Variants in SLC24A3 observed in about 807,000 individuals in gnomAD.
SLC24A3 encodes the protein solute carrier family 24 member 3.
A neutral mutation model predicts 75.8 loss-of-function variants in SLC24A3; 28 were observed. The ratio of observed to expected loss-of-function variants is 0.37; its 90% CI spans 0.27 to 0.51. SLC24A3 has a LOEUF of 0.51. Among genes scored for constraint, SLC24A3 ranks in the 20% least tolerant of loss-of-function variants. The pLI is 0.94. For synonymous variants in SLC24A3, 372 were observed against 334.1 expected (o/e 1.11, Z -1.24); for missense variants, 663 against 847.8 (o/e 0.78, Z 2.71).
intron 2 of SLC24A3, among the ~76,000 whole-genome samples, chr20:19,478,137 TCAGGAGCCAGGAGATGACCTTGTGTCC>T (rs1248479304): frequency 6.6e-6 from 1 of 152,204 alleles, no homozygotes; most frequent in African/African-American, 2.4e-5. Context: ...TCCATCAAAG[TCAGGAGCCAGGAGATGACCTTGTGTCC>T]CTGGTTCTGG....
chr20:19,504,343 T>TA (rs887564918), intron 2 of SLC24A3, among the ~76,000 whole-genome samples: 103 of 152,322 alleles, frequency 6.8e-4, no homozygotes, highest in African/African-American at 2.4e-3. Flanking sequence ...GAGTTAACAT[T>TA]AAAAAATGTC....
At chr20:19,546,902 G>A (rs1314548448) in intron 3 of SLC24A3, among the ~76,000 whole-genome samples, 1 of 152,144 alleles carries the variant, frequency 6.6e-6, no homozygotes, top group African/African-American at 2.4e-5. Flanking sequence ...CATGCCCACA[G>A]GGTGCTCCAA....
At chr20:19,410,078 G>C (rs1410495392) in intron 2 of SLC24A3, among the ~76,000 whole-genome samples, 1 of 152,072 alleles carries the variant, frequency 6.6e-6, no homozygotes, top group African/African-American at 2.4e-5. Flanking sequence ...TCATCGCACA[G>C]TTATTCAATT....
intron 3 of SLC24A3, among the ~76,000 whole-genome samples, chr20:19,528,607 C>G (rs185618221): frequency 6.6e-6 from 1 of 152,110 alleles, no homozygotes; most frequent in Non-Finnish European, 1.5e-5. Context: ...CTGAAAGATA[C>G]CCTGCTGCTT....
chr20:19,629,839 CA>C (rs1274924236), intron 6 of SLC24A3, among the ~76,000 whole-genome samples: 1 of 152,160 alleles, frequency 6.6e-6, no homozygotes, highest in East Asian at 1.9e-4. Context: ...AAGATTTTCT[CA>C]GATAAATAAA....
chr20:19,492,307 T>G (rs1988220936), intron 2 of SLC24A3, among the ~76,000 whole-genome samples: 1 of 152,238 alleles, frequency 6.6e-6, no homozygotes. Context: ...GATTTGTCTC[T>G]GCCACTTATG....
chr20:19,454,824 A>G (rs1202632353), intron 2 of SLC24A3, among the ~76,000 whole-genome samples: 1 of 152,218 alleles, frequency 6.6e-6, no homozygotes, highest in Non-Finnish European at 1.5e-5. Flanking sequence ...ATGTAAGTGC[A>G]GGAAGGGTGA....
chr20:19,425,607 C>A (rs370966686), intron 2 of SLC24A3, among the ~76,000 whole-genome samples: 1 of 152,058 alleles, frequency 6.6e-6, no homozygotes, highest in Non-Finnish European at 1.5e-5. Context: ...CTAAGTTGTC[C>A]GCTTGATGTC....
intron 2 of SLC24A3, among the ~76,000 whole-genome samples, chr20:19,339,729 T>C (rs1485708662): frequency 3.3e-5 from 5 of 152,122 alleles, no homozygotes; most frequent in Admixed American, 3.3e-4. Flanking sequence ...GGTACCAGGG[T>C]AACCTGGAGA....
chr20:19,669,270 G>C (rs1319546320), intron 8 of SLC24A3, among the ~76,000 whole-genome samples: 3 of 152,188 alleles, frequency 2.0e-5, no homozygotes, highest in African/African-American at 7.2e-5. Flanking sequence ...GGGAGGCTGA[G>C]GCAGGTGGAT....
At chr20:19,592,885 TCCCAA>T (rs2031399238) in intron 6 of SLC24A3, among the ~76,000 whole-genome samples, 1 of 140,402 alleles carries the variant, frequency 7.1e-6, no homozygotes, top group African/African-American at 2.6e-5. Context: ...AACCTCCACC[TCCCAA>T]GTTTAAGCGA....
At chr20:19,362,991 G>A (rs8116932) in intron 2 of SLC24A3, among the ~76,000 whole-genome samples, 14,195 of 152,306 alleles carry the variant, frequency 0.093, 1,662 homozygotes, top group African/African-American at 0.28. Context: ...CTTCCCATGT[G>A]TCGCTGGGAA....
intron 13 of SLC24A3, among the ~76,000 whole-genome samples, chr20:19,696,157 A>G (rs2032803764): frequency 1.3e-5 from 2 of 151,708 alleles, no homozygotes; most frequent in African/African-American, 4.8e-5. Flanking sequence ...AGCTGGGACC[A>G]CAGACATACA....
At position 19,559,483 on chromosome 20, in the gene SLC24A3, G is replaced by T. The variant is rs568791943; in HGVS notation, c.349-20517G>T. On this transcript the variant is annotated intron_variant, in intron 3 of 16. Transcript: ENST00000328041. ...TGTTAAGTTTTGTTTGGTTTCGTTT[G>T]ATGTGGCTCATTTTATCAATCTTTT... 2.6e-5 allele frequency among the ~76,000 whole-genome samples: 4 copies of T among 152,216 alleles called. No individual in the cohort carries two copies. In the South Asian group the frequency reaches 8.3e-4, roughly 32 times the overall value.
At chr20:19,448,071 T>C (rs995356936) in intron 2 of SLC24A3, among the ~76,000 whole-genome samples, 3 of 152,206 alleles carry the variant, frequency 2.0e-5, no homozygotes, top group African/African-American at 7.2e-5. Context: ...CCTTAGCTGG[T>C]TCTAGGTTCT....
intron 3 of SLC24A3, among the ~76,000 whole-genome samples, chr20:19,567,028 G>C (rs1380306185): frequency 2.6e-5 from 4 of 152,196 alleles, no homozygotes. Flanking sequence ...ACAAGGTTGA[G>C]GAGAAAAGAG....
intron 1 of SLC24A3, among the ~76,000 whole-genome samples, chr20:19,234,410 G>C (rs531305217): frequency 1.3e-5 from 2 of 152,348 alleles, no homozygotes; most frequent in East Asian, 3.9e-4. Flanking sequence ...CCCTCTGCAC[G>C]TGGTCACACA....
intron 7 of SLC24A3, among the ~76,000 whole-genome samples, chr20:19,663,424 C>G: frequency 1.0e-5 from 1 of 96,412 alleles, no homozygotes; most frequent in Non-Finnish European, 1.9e-5. Flanking sequence ...TCCTCCTCCT[C>G]CTCCTCCTCC....
Position 19,216,595 on chromosome 20 carries a change from T to G in SLC24A3, c.142+3611T>G, listed in dbSNP as rs1250421780. Among the ~76,000 whole-genome samples, 6 of 151,612 alleles carry G rather than the reference T, an allele frequency of 4.0e-5. No homozygotes were observed. The East Asian group carries it at 1.2e-3, about 29-fold the overall frequency. ...CTGTACCCCAGCCTGGGCAACAGAG[T>G]GAGACCCTGTCTCAAAAACAGAAAA... On this transcript the variant is annotated intron_variant, in intron 1 of 16. Transcript: ENST00000328041.
Sources: allele counts gnomAD v4.1 joint callset (sites outside exome capture counted in the v4.1 genomes callset), GRCh38; gene constraint gnomAD v4.1.1; transcripts MANE v1.5; gene names NCBI Gene and HGNC (gene_info 2026-07-23, HGNC 2026-07-21).